TM2D1: variants seen among roughly 807,000 people sequenced by gnomAD.
The protein encoded by TM2D1 is TM2 domain-containing protein 1.
TM2D1 carries 15 observed loss-of-function variants against 28.4 expected under a neutral mutation model. The ratio of observed to expected loss-of-function variants is 0.53; its 90% CI spans 0.35 to 0.81. The LOEUF (loss-of-function observed/expected upper bound fraction) is 0.81, where lower values mean the gene tolerates loss of function less well. Among genes scored for constraint, TM2D1 ranks in the 40% least tolerant of loss-of-function variants. The pLI, the probability that TM2D1 is intolerant of heterozygous loss-of-function variation, is 0.01. For synonymous variants in TM2D1, 93 were observed against 96.2 expected, an observed-to-expected ratio of 0.97 and a Z score of 0.20; for missense variants, 236 against 254.9, an observed-to-expected ratio of 0.93 and a Z score of 0.50.
At chr1:61,708,555 C>A (rs533407363) in intron 3 of TM2D1, among the ~76,000 whole-genome samples, 2 of 152,300 alleles carry the variant, frequency 1.3e-5, no homozygotes, top group Non-Finnish European at 2.9e-5. Context: ...GCTAGCCAAA[C>A]TGATAACTTT....
intron 2 of TM2D1, among the ~76,000 whole-genome samples, chr1:61,721,070 A>T (rs922627625): frequency 6.6e-6 from 1 of 151,704 alleles, no homozygotes; most frequent in African/African-American, 2.4e-5. Flanking sequence ...CCCTCCAAAA[A>T]AATACAAAAA....
rs1388213910 is a variant in TM2D1, at chr1:61,694,709, A to G, written c.501T>C (p.Leu167=). The G allele has an allele frequency of 6.2e-7, 1 of 1,602,756 alleles. No individual in the cohort carries two copies. Among genetic ancestry groups the G allele is most frequent in the South Asian group, 1.1e-5 (1 of 88,562 alleles). ...TTGAGAAACTTACCTGCATTGAAAT[A>G]AGAATGAAATCAATTAGGCTCCCAA... ...CGIGSLIDFI[L]ISMQIVGPSD... is the part of the protein sequence containing the mutation. The change falls in exon 5 of 7, where the codon CTT becomes CTC. Residue 167 remains leucine, a synonymous_variant. Transcript: ENST00000606498.
intron 5 of TM2D1, among the ~76,000 whole-genome samples, chr1:61,691,921 T>TAAA (rs1316880566): frequency 0.011 from 704 of 61,930 alleles, 18 homozygotes; most frequent in East Asian, 0.028. Context: ...AAAAAAAACT[T>TAAA]AAAAAAAAAA....
At chr1:61,709,656 T>C (rs1276306376) in intron 2 of TM2D1, among the ~76,000 whole-genome samples, 1 of 152,188 alleles carries the variant, frequency 6.6e-6, no homozygotes, top group East Asian at 1.9e-4. Context: ...ATATAAGAGT[T>C]GCCACACTGG....
At chr1:61,708,499 C>A (rs1644455671) in intron 3 of TM2D1, among the ~76,000 whole-genome samples, 1 of 152,228 alleles carries the variant, frequency 6.6e-6, no homozygotes, top group Non-Finnish European at 1.5e-5. Context: ...CCTCTGGCCT[C>A]AGCCTCCTGG....
Position 61,725,135 on chromosome 1 carries a change from C to T in TM2D1, c.-15G>A, listed in dbSNP as rs781204490. On this transcript the variant is annotated 5_prime_UTR_variant, in exon 1 of 7. In the 5' UTR this introduces an upstream ATG that the reference lacks. Transcript: ENST00000606498. ...GCGGCCGCCATCTTGGAGACCGACA[C>T]TTTCTCGCCACTTCCGCTTCCGCCT... is the stretch of plus-strand genomic sequence containing the variant. The T allele has an allele frequency of 5.0e-6, 8 of 1,613,348 alleles. No individual in the cohort carries two copies. The highest frequency in any genetic ancestry group is 6.8e-6 in the Non-Finnish European group (8 of 1,179,786).
At chr1:61,718,939 A>G (rs1456598010) in intron 2 of TM2D1, among the ~76,000 whole-genome samples, 2 of 152,244 alleles carry the variant, frequency 1.3e-5, no homozygotes, top group African/African-American at 4.8e-5. Context: ...CTAAAAAGGC[A>G]TTATTTGGGT....
At chr1:61,714,142 G>T (rs985539117) in intron 2 of TM2D1, among the ~76,000 whole-genome samples, 1 of 148,080 alleles carries the variant, frequency 6.8e-6, no homozygotes, top group African/African-American at 2.5e-5. Flanking sequence ...TGATCCACCC[G>T]CCTCGGCCTC....
At chr1:61,698,557 T>TA (rs34250130) in intron 4 of TM2D1, 40,837 of 109,966 alleles carry the variant, frequency 0.37, 6,785 homozygotes, top group African/African-American at 0.51. Context: ...AAACTCCGCC[T>TA]AAAAAAAAAA....
intron 4 of TM2D1, 84 bp from the exon 5 acceptor site, chr1:61,694,854 T>TAC (rs1491057855): frequency 1.3e-5 from 7 of 559,962 alleles, no homozygotes; most frequent in Admixed American, 4.2e-5. Context: ...AAACCATTAT[T>TAC]ATATATATAT....
intron 2 of TM2D1, among the ~76,000 whole-genome samples, chr1:61,717,885 A>G (rs1163565767): frequency 6.6e-6 from 1 of 152,088 alleles, no homozygotes; most frequent in Non-Finnish European, 1.5e-5. Flanking sequence ...CTGGTGGCGC[A>G]TGTCTGTAAT....
chr1:61,713,482 C>CAAA (rs1408870622), intron 2 of TM2D1, among the ~76,000 whole-genome samples: 1 of 29,786 alleles, frequency 3.4e-5, no homozygotes, highest in African/African-American at 1.3e-4. Flanking sequence ...CCCCGCAACT[C>CAAA]AAAAACAAAA....
intron 2 of TM2D1, among the ~76,000 whole-genome samples, chr1:61,710,485 CACACACATAT>C (rs1263830939): frequency 7.3e-5 from 7 of 95,586 alleles, no homozygotes; most frequent in East Asian, 4.8e-4. Context: ...TACACACACA[CACACACATAT>C]ACACACATAC....
chr1:61,723,900 A>G (rs1644586044), intron 1 of TM2D1, 114 bp from the exon 2 acceptor site: 3 of 490,984 alleles, frequency 6.1e-6, no homozygotes, highest in Non-Finnish European at 1.1e-5. Context: ...AGAGGCTGCT[A>G]GTTTGTCCAA....
chr1:61,701,447 G>A (rs999790145), intron 3 of TM2D1, among the ~76,000 whole-genome samples: 2 of 151,842 alleles, frequency 1.3e-5, no homozygotes, highest in African/African-American at 4.8e-5. Context: ...TGAGTGAGAT[G>A]GCCATGCCAT....
Position 61,710,489 on chromosome 1 carries a change from CACATATACACACAT to C in TM2D1, c.239-1066_239-1053del, listed in dbSNP as rs1445886460. 1.0e-4 allele frequency among the ~76,000 whole-genome samples: 9 copies of C among 90,390 alleles called. No individual in the cohort carries two copies. In the East Asian group the frequency reaches 4.5e-3, roughly 45 times the overall value. The allele number at this position is 90,390 out of a possible 152,430, so 59.3% of individuals were successfully genotyped here. A position where few individuals can be genotyped will look rare whatever the true frequency, so the allele number is the denominator to read the frequency against. On this transcript the variant is annotated intron_variant, in intron 2 of 6. Transcript: ENST00000606498. Reference sequence around the variant, plus strand: ...ATATATATATATACACACACACACACACATATACACACATACACACACACACACACACACACACA... The same window carrying C: ...ATATATATATATACACACACACACACACACACACACACACACACACACACA...
chr1:61,719,428 A>AGAGG (rs1433558802), intron 2 of TM2D1, among the ~76,000 whole-genome samples: 1 of 151,874 alleles, frequency 6.6e-6, no homozygotes, highest in African/African-American at 2.4e-5. Context: ...AGAGAGAGAG[A>AGAGG]GAGAGTATGT....
chr1:61,694,054 T>G (rs1644346569), intron 5 of TM2D1: 1 of 152,310 alleles, frequency 6.6e-6, no homozygotes, highest in Non-Finnish European at 1.5e-5. Context: ...AAAAGCAAGA[T>G]GAGTTATCAG....
chr1:61,697,045 C>T (rs1439016457), intron 4 of TM2D1, among the ~76,000 whole-genome samples: 3 of 151,996 alleles, frequency 2.0e-5, no homozygotes, highest in Non-Finnish European at 4.4e-5. Flanking sequence ...TATCTTATCT[C>T]GTTTAATTCT....
Sources: gnomAD v4.1 joint callset for allele counts (sites outside exome capture counted in the v4.1 genomes callset) on GRCh38, gnomAD v4.1.1 for gene constraint, MANE v1.5 for transcripts, NCBI Gene and HGNC (gene_info 2026-07-23, HGNC 2026-07-21) for gene names.